The following TRPV3 variants were observed in gnomAD, a reference collection of about 807,000 sequenced individuals.
The protein encoded by TRPV3 is VRL-3.
Under a neutral mutation model 87.1 loss-of-function variants are expected in TRPV3, and 88 were observed. That is an observed-to-expected ratio of 1.01 (90% CI 0.85 to 1.21). The LOEUF (loss-of-function observed/expected upper bound fraction) is 1.21, where lower values mean the gene tolerates loss of function less well. Among genes scored for constraint, TRPV3 ranks in the 50% most tolerant of loss-of-function variants. The pLI, the probability that TRPV3 is intolerant of heterozygous loss-of-function variation, is 0.00. For synonymous variants in TRPV3, 438 were observed against 423.3 expected, an observed-to-expected ratio of 1.03 and a Z score of -0.43; for missense variants, 1,054 against 1,030.1, an observed-to-expected ratio of 1.02 and a Z score of -0.32.
intron 4 of TRPV3, 135 bp from the exon 5 acceptor site, chr17:3,543,763 C>CT: frequency 8.4e-7 from 1 of 1,188,398 alleles, no homozygotes; most frequent in South Asian, 1.4e-5. Flanking sequence ...TGCCTGCAAA[C>CT]TCCTGGGCTC....
chr17:3,528,945 C>T lies in TRPV3; in HGVS notation c.1293G>A (p.Met431Ile), dbSNP rs138176629. 60 of 1,614,224 alleles carry T rather than the reference C, an allele frequency of 3.7e-5. No individual in the cohort carries two copies. The African/African-American group carries it at 7.1e-4, about 19-fold the overall frequency. ...TLEPLHTLLH[M>I]KWKKFAKHMF... ...TGTGCTTGGCAAACTTCTTCCACTT[C>T]ATATGCAGCAGCGTGTGCAGCGGCT... Residue 431 changes from methionine (M) to isoleucine (I), a missense_variant, in exon 10 of 18, where the codon ATG becomes ATA. Transcript: ENST00000576742. The surrounding 1 kb of genome is among the most constrained non-coding windows in gnomAD (Gnocchi z 4.2).
At chr17:3,524,759 GC>G (rs1330287250) in intron 12 of TRPV3, among the ~76,000 whole-genome samples, 2 of 148,518 alleles carry the variant, frequency 1.3e-5, no homozygotes, top group Non-Finnish European at 3.0e-5. Context: ...AACGCTTCAG[GC>G]CAGGAGTTCA....
intron 1 of TRPV3, among the ~76,000 whole-genome samples, 177 bp from the exon 2 acceptor site, chr17:3,555,029 G>A (rs549769570): frequency 6.6e-6 from 1 of 152,274 alleles, no homozygotes; most frequent in South Asian, 2.1e-4. Flanking sequence ...TGTCCCCAAA[G>A]CTTCCCCAGC....
At chr17:3,514,557 A>C in intron 17 of TRPV3, 36 bp downstream of exon 17, 1 of 1,474,506 alleles carries the variant, frequency 6.8e-7, no homozygotes, top group Admixed American at 1.7e-5. Context: ...GGTCTGAGAC[A>C]GGAGCGGACA....
intron 6 of TRPV3, among the ~76,000 whole-genome samples, chr17:3,540,674 C>T (rs1001568722): frequency 7.2e-5 from 11 of 152,140 alleles, no homozygotes; most frequent in African/African-American, 1.9e-4. Context: ...AAGGGTAGTT[C>T]GTAAGTCCTA....
chr17:3,539,168 C>A (rs1003810612), intron 6 of TRPV3, among the ~76,000 whole-genome samples: 6 of 151,938 alleles, frequency 3.9e-5, no homozygotes, highest in Non-Finnish European at 8.8e-5. Flanking sequence ...ATCAAAAAAA[C>A]CAACTTGTAG....
Position 3,544,520 on chromosome 17 carries a change from C to G in TRPV3, c.311+59G>C, listed in dbSNP as rs1279090048. The G allele has an allele frequency of 4.4e-6, 5 of 1,129,494 alleles. No individual in the cohort carries two copies. The East Asian group carries it at 7.5e-5, about 17-fold the overall frequency. 70.0% of individuals were successfully genotyped at this position (1,129,494 alleles called of 1,614,324 possible). A position where few individuals can be genotyped will look rare whatever the true frequency, so the allele number is the denominator to read the frequency against. ...CTTCCTGCAGGGCCCCGGATCCTGT[C>G]TCTCTGGCACCCCCAGCCTGGGTGG... On this transcript the variant is annotated intron_variant, in intron 4 of 17. Coordinates refer to ENST00000576742, the MANE Select transcript of TRPV3 (RefSeq NM_145068.4).
chr17:3,513,780 C>A lies in TRPV3; in HGVS notation c.*137G>T, dbSNP rs2074144110. 1 of 683,592 alleles carries A rather than the reference C, an allele frequency of 1.5e-6. No homozygotes were observed. The highest frequency in any genetic ancestry group is 2.5e-6 in the Non-Finnish European group (1 of 396,558). 42.3% of individuals were successfully genotyped at this position (683,592 alleles called of 1,614,324 possible). A position where few individuals can be genotyped will look rare whatever the true frequency, so the allele number is the denominator to read the frequency against. On this transcript the variant is annotated 3_prime_UTR_variant, in exon 18 of 18. Coordinates refer to ENST00000576742, the MANE Select transcript of TRPV3 (RefSeq NM_145068.4). ...CCTCAGTTCAGACACCCACTGAGCA[C>A]TGAGCACGAGGGTGCACTCTGCTTC...
At position 3,542,630 on chromosome 17, in the gene TRPV3, T is replaced by C. The variant is rs774634886; in HGVS notation, c.535A>G (p.Ile179Val). The stretch of plus-strand genomic sequence containing the variant: ...ACTATCTCCTTGGTGTTGGGGTTGA[T>C]GTTTAACAAGGCCTTCATCAGGCAG... Reference protein sequence around the residue: ...KTCLMKALLNINPNTKEIVRI... With the variant: ...KTCLMKALLNVNPNTKEIVRI... Residue 179 changes from isoleucine (I) to valine (V), a missense_variant, in exon 6 of 18, where the codon ATC (isoleucine) becomes GTC (valine). Coordinates refer to ENST00000576742, the MANE Select transcript of TRPV3 (RefSeq NM_145068.4). The C allele has an allele frequency of 1.9e-6, 3 of 1,614,022 alleles. No individual in the cohort carries two copies. Among genetic ancestry groups the C allele is most frequent in the Non-Finnish European group, 2.5e-6 (3 of 1,179,932 alleles).
chr17:3,538,244 C>A (rs1245067268), intron 6 of TRPV3, among the ~76,000 whole-genome samples: 2 of 151,656 alleles, frequency 1.3e-5, no homozygotes, highest in Non-Finnish European at 2.9e-5. Context: ...ATATTACAAG[C>A]GCCTATGAAT....
chr17:3,552,114 T>A (rs2074581493), intron 2 of TRPV3: 1 of 151,998 alleles, frequency 6.6e-6, no homozygotes, highest in Non-Finnish European at 1.5e-5. Flanking sequence ...CTCAAACTCC[T>A]GACCTTGTGA....
chr17:3,535,497 TC>T (rs1421718035), intron 7 of TRPV3, 75 bp downstream of exon 7: 1 of 1,291,824 alleles, frequency 7.7e-7, no homozygotes, highest in African/African-American at 1.8e-5. Flanking sequence ...CTTCCCTCCT[TC>T]CCCTTCCCTC....
At chr17:3,525,269 C>T (rs2074288932) in intron 12 of TRPV3, among the ~76,000 whole-genome samples, 1 of 152,210 alleles carries the variant, frequency 6.6e-6, no homozygotes, top group Non-Finnish European at 1.5e-5. Context: ...ATCCACCCAC[C>T]TCGGCCTCCC....
At chr17:3,515,486 C>A (rs1354278039) in intron 16 of TRPV3, among the ~76,000 whole-genome samples, 1 of 151,924 alleles carries the variant, frequency 6.6e-6, no homozygotes, top group Non-Finnish European at 1.5e-5. Context: ...CGTGATGAAA[C>A]CTCGTCTCTA....
chr17:3,515,615 C>G (rs757590975), intron 16 of TRPV3, among the ~76,000 whole-genome samples: 1 of 150,646 alleles, frequency 6.6e-6, no homozygotes, highest in Non-Finnish European at 1.5e-5. Flanking sequence ...GAGCAGAGAT[C>G]GCATCACTGC....
chr17:3,524,373 A>G lies in TRPV3; in HGVS notation c.1578-10T>C. On this transcript the variant is annotated splice_polypyrimidine_tract_variant and intron_variant, in intron 12 of 17. Transcript: ENST00000576742. ...CACAGCTTGGATAAAACTGTTCAGG[A>G]GACACAGGAGACACGGGCCTTACTT... The G allele has an allele frequency of 6.2e-7, 1 of 1,613,712 alleles. No individual in the cohort carries two copies. Among genetic ancestry groups the G allele is most frequent in the South Asian group, 1.1e-5 (1 of 90,996 alleles).
intron 1 of TRPV3, among the ~76,000 whole-genome samples, chr17:3,555,329 G>C (rs942871205): frequency 6.6e-6 from 1 of 152,224 alleles, no homozygotes; most frequent in African/African-American, 2.4e-5. Context: ...AGCTCTCCAA[G>C]AGTTTTGACC....
At chr17:3,544,511 G>C (rs954648331) in intron 4 of TRPV3, 68 bp downstream of exon 4, 1 of 1,011,530 alleles carries the variant, frequency 9.9e-7, no homozygotes, top group Non-Finnish European at 1.5e-6. Flanking sequence ...GCAGGGCCCC[G>C]GATCCTGTCT....
At position 3,518,650 on chromosome 17, in the gene TRPV3, TGAG is replaced by T. The variant is rs2074205403; in HGVS notation, c.2008_2010del (p.Leu670del). On this transcript the variant is annotated inframe_deletion, in exon 15 of 18. Coordinates refer to ENST00000576742, the MANE Select transcript of TRPV3 (RefSeq NM_145068.4). The surrounding 1 kb of genome is among the most constrained non-coding windows in gnomAD (Gnocchi z 4.3). The stretch of plus-strand genomic sequence containing the variant: ...TCGCCCATCAGAGCAATGAGCATGT[TGAG>T]GAGGAGAACAAAGGTGAGGATGACA... 6.3e-7 allele frequency: 1 copy of T among 1,598,386 alleles called. No homozygotes were observed. The highest frequency in any genetic ancestry group is 8.5e-7 in the Non-Finnish European group (1 of 1,172,308).
Sources: gnomAD v4.1 joint callset for allele counts (sites outside exome capture counted in the v4.1 genomes callset) on GRCh38, gnomAD v4.1.1 for gene constraint, Gnocchi (gnomAD v3.1) non-coding constraint, MANE v1.5 for transcripts, NCBI Gene and HGNC (gene_info 2026-07-23, HGNC 2026-07-21) for gene names.